IHO1: variants seen among roughly 807,000 people sequenced by gnomAD.
The protein encoded by IHO1 is interactor of HORMAD1 protein 1.
A neutral mutation model predicts 31.0 loss-of-function variants in IHO1; 13 were observed. The ratio of observed to expected loss-of-function variants is 0.42; its 90% CI spans 0.27 to 0.67. The LOEUF is 0.67. IHO1 is among the 30% of genes least tolerant of loss of function. The pLI, the probability that IHO1 is intolerant of heterozygous loss-of-function variation, is 0.24. For synonymous variants in IHO1, 221 were observed against 248.4 expected, an observed-to-expected ratio of 0.89 and a Z score of 1.04; for missense variants, 599 against 687.5, an observed-to-expected ratio of 0.87 and a Z score of 1.44.
At chr3:49,207,865 G>A (rs768075456) in intron 1 of IHO1, among the ~76,000 whole-genome samples, 3 of 150,748 alleles carry the variant, frequency 2.0e-5, no homozygotes, top group East Asian at 2.0e-4. Flanking sequence ...GCTCCGCTTC[G>A]TGGGTTCATG....
At chr3:49,200,541 A>C (rs1013136442) in intron 1 of IHO1, 2 of 980,624 alleles carry the variant, frequency 2.0e-6, no homozygotes, top group African/African-American at 3.6e-5. Context: ...GTCGCAGTAG[A>C]GTTGACGACG....
chr3:49,221,437 C>T (rs1222894758), intron 2 of IHO1, among the ~76,000 whole-genome samples: 1 of 152,200 alleles, frequency 6.6e-6, no homozygotes. Flanking sequence ...GGTGCAGTTA[C>T]AATCCTCTAG....
intron 2 of IHO1, among the ~76,000 whole-genome samples, chr3:49,233,430 T>C (rs2046507407): frequency 6.6e-6 from 1 of 152,192 alleles, no homozygotes; most frequent in Non-Finnish European, 1.5e-5. Flanking sequence ...AACAAATATT[T>C]AAAGCATCCC....
chr3:49,233,513 C>T (rs975551999), intron 2 of IHO1, among the ~76,000 whole-genome samples: 1 of 152,192 alleles, frequency 6.6e-6, no homozygotes, highest in Non-Finnish European at 1.5e-5. Flanking sequence ...GCTATTAACC[C>T]ATTGAAATAG....
chr3:49,201,084 C>T (rs1347403786), intron 1 of IHO1, among the ~76,000 whole-genome samples: 2 of 151,952 alleles, frequency 1.3e-5, no homozygotes, highest in Non-Finnish European at 2.9e-5. Flanking sequence ...AGCTCCGCCT[C>T]CCAGGTTCAC....
chr3:49,248,368 G>C (rs558228452), intron 6 of IHO1, among the ~76,000 whole-genome samples: 1 of 151,986 alleles, frequency 6.6e-6, no homozygotes, highest in South Asian at 2.1e-4. Context: ...GCAGTGAGCC[G>C]AGATCCTGCC....
the IHO1 span, among the ~76,000 whole-genome samples, chr3:49,193,290 T>G: frequency 1.3e-5 from 2 of 150,164 alleles, no homozygotes; most frequent in Admixed American, 6.7e-5. Flanking sequence ...GAGGATCACT[T>G]GAGCCCGGGA....
At chr3:49,255,651 G>A (rs2046813983) in intron 7 of IHO1, among the ~76,000 whole-genome samples, 158 bp downstream of exon 7, 1 of 147,970 alleles carries the variant, frequency 6.8e-6, no homozygotes, top group South Asian at 2.1e-4. Flanking sequence ...CCATGTTCAA[G>A]CAATTCTCCT....
upstream of IHO1, among the ~76,000 whole-genome samples, chr3:49,194,460 C>T (rs928682417): frequency 2.0e-5 from 3 of 146,342 alleles, no homozygotes; most frequent in African/African-American, 7.4e-5. Flanking sequence ...CCCACCACCC[C>T]GCCTGGCTAA....
Position 49,256,723 on chromosome 3 carries a change from A to G in IHO1, c.1226A>G (p.Gln409Arg). 6.2e-7 allele frequency: 1 copy of G among 1,614,214 alleles called. No homozygotes were observed. Among genetic ancestry groups the G allele is most frequent in the Non-Finnish European group, 8.5e-7 (1 of 1,180,034 alleles). ...TCAACCAGCATTAAGAATGCCTGCC[A>G]AAAATATCAAGCCCAAAGTATGTTT... ...NFSTSIKNAC[Q>R]KYQAQSMFLC... is the part of the protein sequence containing the mutation. Residue 409 changes from glutamine (Q) to arginine (R), a missense_variant, in exon 8 of 8, where the codon CAA becomes CGA. By Grantham distance (43) the Gln-to-Arg change is conservative. Transcript: ENST00000452691. This position sits in a 1 kb window ranked among gnomAD's most constrained non-coding sequence, Gnocchi z 4.6.
chr3:49,210,747 G>C (rs981290016), intron 1 of IHO1, among the ~76,000 whole-genome samples: 1 of 147,722 alleles, frequency 6.8e-6, no homozygotes, highest in African/African-American at 2.5e-5. Flanking sequence ...CCCCAGGCTG[G>C]AGTGCAGTCG....
At chr3:49,197,510 C>T (rs1400389548), upstream of IHO1, among the ~76,000 whole-genome samples, 1 of 151,792 alleles carries the variant, frequency 6.6e-6, no homozygotes. Flanking sequence ...ACATGATAAA[C>T]TGCACATATT....
chr3:49,217,584 T>C (rs974999865), intron 2 of IHO1, among the ~76,000 whole-genome samples: 2 of 151,474 alleles, frequency 1.3e-5, no homozygotes, highest in African/African-American at 4.9e-5. Flanking sequence ...ATGGCACATG[T>C]ATACCTAAGT....
At chr3:49,194,423 C>T (rs2045985717), upstream of IHO1, among the ~76,000 whole-genome samples, 1 of 145,542 alleles carries the variant, frequency 6.9e-6, no homozygotes, top group African/African-American at 2.5e-5. Context: ...CCTGCCTCAG[C>T]CTCCTGAGTA....
intron 1 of IHO1, among the ~76,000 whole-genome samples, chr3:49,204,166 T>G (rs1407210069): frequency 2.0e-5 from 3 of 152,190 alleles, no homozygotes; most frequent in African/African-American, 7.2e-5. Flanking sequence ...TTCATGAGGC[T>G]GGAGTCCTCA....
upstream of IHO1, among the ~76,000 whole-genome samples, chr3:49,196,018 A>C (rs910053616): frequency 2.6e-5 from 4 of 150,982 alleles, no homozygotes; most frequent in Non-Finnish European, 5.9e-5. Flanking sequence ...GGCGGATCAC[A>C]AGGTCAGCAG....
intron 2 of IHO1, among the ~76,000 whole-genome samples, chr3:49,222,168 C>T (rs2046361851): frequency 6.6e-6 from 1 of 152,172 alleles, no homozygotes; most frequent in Non-Finnish European, 1.5e-5. Flanking sequence ...GATAAACTGG[C>T]TATTCTGGTT....
At position 49,225,293 on chromosome 3, in the gene IHO1, G is replaced by A. The variant is rs550169870; in HGVS notation, c.57-11255G>A. On this transcript the variant is annotated intron_variant, in intron 2 of 7. Coordinates refer to ENST00000452691, the MANE Select transcript of IHO1 (RefSeq NM_001135197.2). ...AGCCTGACCAACATGGTGAAACCCC[G>A]TCTCTACTAAAAATAAAAAATTAGC... 3.5e-4 allele frequency among the ~76,000 whole-genome samples: 53 copies of A among 152,130 alleles called. 1 individual carries two copies. The highest frequency in any genetic ancestry group is 5.1e-4 in the Non-Finnish European group (35 of 67,976).
At chr3:49,224,027 C>T (rs901758302) in intron 2 of IHO1, among the ~76,000 whole-genome samples, 1 of 152,030 alleles carries the variant, frequency 6.6e-6, no homozygotes, top group African/African-American at 2.4e-5. Context: ...GAGATTTGGC[C>T]CTGTAGATAG....
Sources: gnomAD v4.1 joint callset for allele counts (sites outside exome capture counted in the v4.1 genomes callset) on GRCh38, gnomAD v4.1.1 for gene constraint, Gnocchi (gnomAD v3.1) non-coding constraint, MANE v1.5 for transcripts, NCBI Gene and HGNC (gene_info 2026-07-23, HGNC 2026-07-21) for gene names.